Variants in TULP4 observed in about 807,000 individuals in gnomAD.
The protein encoded by TULP4 is tubby-related protein 4.
In TULP4, 16 loss-of-function variants were observed where a neutral mutation model predicts 129.0. That is an observed-to-expected ratio of 0.12 (90% CI 0.08 to 0.19). The LOEUF (loss-of-function observed/expected upper bound fraction) is 0.19, where lower values mean the gene tolerates loss of function less well. Ranked by LOEUF, TULP4 falls within the 10% of genes least tolerant of loss-of-function variation. TULP4 has a pLI of 1.00. For synonymous variants in TULP4, 998 were observed against 854.0 expected, an observed-to-expected ratio of 1.17 and a Z score of -2.94; for missense variants, 1,842 against 2,059.1, an observed-to-expected ratio of 0.89 and a Z score of 2.04.
At chr6:158,283,198 A>G (rs1778787820) in intron 1 of TULP4, among the ~76,000 whole-genome samples, 1 of 152,086 alleles carries the variant, frequency 6.6e-6, no homozygotes, top group Non-Finnish European at 1.5e-5. Flanking sequence ...ACCTAGATAC[A>G]GTGCCGCCAC....
At chr6:158,342,242 C>G (rs7341305) in intron 1 of TULP4, among the ~76,000 whole-genome samples, 15 of 152,232 alleles carry the variant, frequency 9.9e-5, no homozygotes, top group Middle Eastern at 3.4e-3. Context: ...TATTTGTCCA[C>G]TTTTGCTTTG....
intron 13 of TULP4, among the ~76,000 whole-genome samples, chr6:158,504,663 T>A (rs1780558115): frequency 6.6e-6 from 1 of 151,998 alleles, no homozygotes. Flanking sequence ...GCCCTAATTT[T>A]TTTTTTTTTA....
At chr6:158,308,272 A>T (rs1316716779), upstream of TULP4, among the ~76,000 whole-genome samples, 2 of 148,652 alleles carry the variant, frequency 1.3e-5, no homozygotes, top group Non-Finnish European at 3.0e-5. Flanking sequence ...AATCCATTTA[A>T]CCCTGAGTGG....
intron 1 of TULP4, among the ~76,000 whole-genome samples, chr6:158,384,289 C>CTTTTTTTT (rs10634916): frequency 6.9e-6 from 1 of 144,472 alleles, no homozygotes; most frequent in Non-Finnish European, 1.5e-5. Context: ...GCCTGTTTAG[C>CTTTTTTTT]TTTTTTTTTT....
Position 158,493,667 on chromosome 6 carries a change from G to A in TULP4, c.1726G>A (p.Gly576Ser), listed in dbSNP as rs150873405. The A allele has an allele frequency of 1.3e-5, 20 of 1,596,966 alleles. No individual in the cohort carries two copies. The highest frequency in any genetic ancestry group is 1.7e-5 in the Non-Finnish European group (20 of 1,172,034). ...GTTGCCCCTGCGCAAGCCCTCTGTG[G>A]GCTCGCCCAGCCTGACTCGGAGAGA... Reference protein sequence around the residue: ...PRLPLRKPSVGSPSLTRREFP... With the variant: ...PRLPLRKPSVSSPSLTRREFP... The change falls in exon 10 of 14, where the codon GGC becomes AGC. Residue 576 changes from glycine to serine, a missense_variant. Around this residue, in one of 5 missense-constraint regions of TULP4, gnomAD observed 456 missense variants for 534.3 expected, o/e 0.85. Coordinates refer to ENST00000367097, the MANE Select transcript of TULP4 (RefSeq NM_020245.5). The surrounding 1 kb of genome is among the most constrained non-coding windows in gnomAD (Gnocchi z 4.4).
chr6:158,489,558 C>T (rs755933139), intron 8 of TULP4, 30 bp from the exon 9 acceptor site: 1 of 1,613,434 alleles, frequency 6.2e-7, no homozygotes, highest in Non-Finnish European at 8.5e-7. Context: ...TATAACTTCC[C>T]TTGAAATCTG....
chr6:158,388,653 GA>G (rs11424136), intron 1 of TULP4, among the ~76,000 whole-genome samples: 110 of 142,446 alleles, frequency 7.7e-4, no homozygotes, highest in Middle Eastern at 3.6e-3. Flanking sequence ...TTTTCTAATG[GA>G]AAAAAAAAAA....
chr6:158,257,487 T>C (rs1778270948), intron 1 of TULP4, among the ~76,000 whole-genome samples: 1 of 152,230 alleles, frequency 6.6e-6, no homozygotes, highest in South Asian at 2.1e-4. Context: ...ACAACATTTA[T>C]ATTGTTGTGC....
chr6:158,337,126 C>CTT (rs1583764634), intron 1 of TULP4, among the ~76,000 whole-genome samples: 23 of 59,186 alleles, frequency 3.9e-4, no homozygotes, highest in South Asian at 6.9e-4. Context: ...CTCTTTCTTT[C>CTT]TCTTTTTTTT....
intron 1 of TULP4, among the ~76,000 whole-genome samples, chr6:158,319,049 G>T (rs67316639): frequency 6.6e-6 from 1 of 151,836 alleles, no homozygotes; most frequent in Non-Finnish European, 1.5e-5. Context: ...CCCAGCTCAC[G>T]ATTGTTAAAT....
chr6:158,466,666 A>G (rs1583908928), intron 6 of TULP4, among the ~76,000 whole-genome samples: 1 of 152,344 alleles, frequency 6.6e-6, no homozygotes, highest in East Asian at 1.9e-4. Flanking sequence ...TTGAGGAGCT[A>G]CTGTGTGGCT....
At chr6:158,415,625 G>T (rs188116600) in intron 2 of TULP4, among the ~76,000 whole-genome samples, 9 of 150,212 alleles carry the variant, frequency 6.0e-5, no homozygotes, top group Non-Finnish European at 1.2e-4. Flanking sequence ...CTCCCAAAGT[G>T]CTGGGATTAC....
At chr6:158,364,509 A>G (rs896089260) in intron 1 of TULP4, among the ~76,000 whole-genome samples, 9 of 152,140 alleles carry the variant, frequency 5.9e-5, no homozygotes, top group African/African-American at 1.9e-4. Flanking sequence ...CTTTTGTTTC[A>G]TCTTTACTCT....
chr6:158,473,518 T>C (rs559945532), intron 6 of TULP4, among the ~76,000 whole-genome samples: 4 of 152,190 alleles, frequency 2.6e-5, no homozygotes, highest in Non-Finnish European at 5.9e-5. Context: ...ACTTGGTCTG[T>C]TTTTGTTTGT....
rs1401423950 is a variant in TULP4, at chr6:158,434,353, T to C, written c.543+4456T>C. Among the ~76,000 whole-genome samples, 9 of 152,170 alleles carry C rather than the reference T, an allele frequency of 5.9e-5. No individual in the cohort carries two copies. In the East Asian group the frequency reaches 1.7e-3, roughly 29 times the overall value. On this transcript the variant is annotated intron_variant, in intron 3 of 13. Transcript: ENST00000367097. ...TCAGCTTGATAAACTTAGGATATAT[T>C]TGTAAATAGAACAGGTTTTATAGGG...
In TULP4 at chr6:158,253,636, AT is replaced by A. The variant is rs1778186849; in HGVS notation, n.68+21336del. ...TCATGGGTGACCAGTAGTAGCTTCT[AT>A]TTGTGCATTCAAATAATCTCCCCTC... On this transcript the variant is annotated intron_variant and non_coding_transcript_variant, in intron 1 of 1. Transcript: ENST00000620026. Among the ~76,000 whole-genome samples the A allele has an allele frequency of 3.3e-5, 5 of 152,278 alleles. No individual in the cohort carries two copies. The South Asian group carries it at 1.0e-3, about 32-fold the overall frequency.
At chr6:158,403,474 G>A (rs924518269) in intron 1 of TULP4, among the ~76,000 whole-genome samples, 4 of 152,098 alleles carry the variant, frequency 2.6e-5, no homozygotes, top group African/African-American at 2.4e-5. Flanking sequence ...CGAGTAGCTG[G>A]GATTACAGGC....
upstream of TULP4, among the ~76,000 whole-genome samples, chr6:158,307,690 C>T (rs1779241106): frequency 6.6e-6 from 1 of 152,118 alleles, no homozygotes; most frequent in African/African-American, 2.4e-5. Context: ...ACCATGTTGG[C>T]CAGCCCGGTC....
chr6:158,463,866 A>C (rs2115192147), intron 6 of TULP4, among the ~76,000 whole-genome samples: 1 of 152,242 alleles, frequency 6.6e-6, no homozygotes, highest in East Asian at 1.9e-4. Flanking sequence ...TATCGTCTTA[A>C]CCATTTTTAA....
Sources: gnomAD v4.1 joint callset for allele counts (sites outside exome capture counted in the v4.1 genomes callset) on GRCh38, gnomAD v4.1.1 for gene constraint, gnomAD v4.1.1 regional missense constraint, Gnocchi (gnomAD v3.1) non-coding constraint, MANE v1.5 for transcripts, NCBI Gene and HGNC (gene_info 2026-07-23, HGNC 2026-07-21) for gene names.